Variants in AHNAK2 observed in about 807,000 individuals in gnomAD.
The protein encoded by AHNAK2 is AHNAK nucleoprotein 2, also known as protein AHNAK2.
A neutral mutation model predicts 30.7 loss-of-function variants in AHNAK2; 18 were observed. The observed-to-expected ratio is 0.59, with a 90% CI of 0.41 to 0.87. The LOEUF (loss-of-function observed/expected upper bound fraction) is 0.87, where lower values mean the gene tolerates loss of function less well. Ranked by LOEUF, AHNAK2 falls within the 40% of genes least tolerant of loss-of-function variation. The probability of loss-of-function intolerance (pLI) is 0.00; values close to 1 mark genes in which losing one functional copy is unlikely to be tolerated. For synonymous variants in AHNAK2, 3,590 were observed against 3,073.8 expected (o/e 1.17, Z -5.56); for missense variants, 8,604 against 7,373.0 (o/e 1.17, Z -6.11).
Position 104,939,078 on chromosome 14 carries a change from G to C in AHNAK2, c.16373C>G (p.Pro5458Arg), listed in dbSNP as rs867944780. Residue 5458 changes from proline to arginine, a missense_variant, in exon 7 of 7, where the codon CCC (proline) becomes CGC (arginine). Physicochemically the swap from Pro to Arg is moderately radical, Grantham distance 103 (BLOSUM62 -2). Coordinates refer to ENST00000333244, the MANE Select transcript of AHNAK2 (RefSeq NM_138420.4). ...PVDLNLPLEA[P>R]PISKVRVHIQ... ...ATGCACTCTGACCTTTGAAATTGGG[G>C]GAGCTTCCAAAGGCAGGTTAAGGTC... is the stretch of plus-strand genomic sequence containing the variant. The C allele has an allele frequency of 9.4e-6, 15 of 1,603,904 alleles. No homozygotes were observed. Among genetic ancestry groups the C allele is most frequent in the Non-Finnish European group, 1.2e-5 (14 of 1,175,244 alleles).
intron 1 of AHNAK2, among the ~76,000 whole-genome samples, chr14:104,975,716 A>G (rs1400129751): frequency 6.6e-6 from 1 of 151,810 alleles, no homozygotes; most frequent in Non-Finnish European, 1.5e-5. Flanking sequence ...GCCCTCCCCC[A>G]GTGTAGATGA....
Position 104,950,414 on chromosome 14 carries a change from G to A in AHNAK2, c.5037C>T (p.Ala1679=). Residue 1679 remains alanine (A), a synonymous_variant, in exon 7 of 7, where the codon GCC becomes GCT. Transcript: ENST00000333244. ...CCTTCGGCTCAGACACATCCACCGAGGCCTCGATGGACTTGCCTGGGGCCG... is the reference window on the plus strand; with the variant it reads ...CCTTCGGCTCAGACACATCCACCGAAGCCTCGATGGACTTGCCTGGGGCCG... ...GVSAPGKSIE[A]SVDVSEPKVE... The A allele has an allele frequency of 6.3e-7, 1 of 1,586,954 alleles. No homozygotes were observed. Among genetic ancestry groups the A allele is most frequent in the Non-Finnish European group, 8.6e-7 (1 of 1,162,976 alleles).
rs200377681 is a variant in AHNAK2 at position 104,950,419 on chromosome 14, C to G, written c.5032G>C (p.Glu1678Gln). ...GGCTCAGACACATCCACCGAGGCCT[C>G]GATGGACTTGCCTGGGGCCGACACC... ...FGVSAPGKSI[E>Q]ASVDVSEPKV... Residue 1678 changes from glutamate to glutamine, a missense_variant, in exon 7 of 7, where the codon GAG becomes CAG. Transcript: ENST00000333244. 2.3e-4 allele frequency: 362 copies of G among 1,586,960 alleles called. 41 individuals are homozygous for G. The highest frequency in any genetic ancestry group is 8.3e-4 in the Admixed American group (48 of 57,506).
intron 1 of AHNAK2, among the ~76,000 whole-genome samples, chr14:104,974,702 C>T (rs1428624967): frequency 6.6e-6 from 1 of 152,190 alleles, no homozygotes; most frequent in African/African-American, 2.4e-5. Flanking sequence ...GCTTTGAGAC[C>T]CAGAAGGATG....
Position 104,938,308 on chromosome 14 carries a change from T to G in AHNAK2, c.17143A>C (p.Thr5715Pro). 1 of 1,613,980 alleles carries G rather than the reference T, an allele frequency of 6.2e-7. No individual in the cohort carries two copies. The highest frequency in any genetic ancestry group is 8.5e-7 in the Non-Finnish European group (1 of 1,179,898). Residue 5715 changes from threonine to proline, a missense_variant, in exon 7 of 7, where the codon ACC becomes CCC. By Grantham distance (38) the Thr-to-Pro change is conservative. Transcript: ENST00000333244. Reference protein sequence around the residue: ...SSSPTKKSKSTEDGAELEEQK... With the variant: ...SSSPTKKSKSPEDGAELEEQK... The stretch of plus-strand genomic sequence containing the variant: ...TCTTCCAGCTCTGCCCCATCTTCGG[T>G]GCTTTTGCTTTTCTTGGTAGGAGAT...
rs1218247829 is a variant in AHNAK2 at position 104,941,773 on chromosome 14, C to G, written c.13678G>C (p.Asp4560His). The G allele has an allele frequency of 6.2e-7, 1 of 1,613,562 alleles. No homozygotes were observed. Residue 4560 changes from aspartate to histidine, a missense_variant, in exon 7 of 7, where the codon GAC (aspartate) becomes CAC (histidine). Asp to His is a moderately conservative substitution (Grantham distance 81). Transcript: ENST00000333244. ...ACGTCCACCTGGGGGCCCTTGAGGT[C>G]CACTTTGGGCATCTTGAAACTGGGC... ...EMPSFKMPKVDLKGPQVDVKG... is the reference protein window; with the variant it reads ...EMPSFKMPKVHLKGPQVDVKG...
At position 104,949,868 on chromosome 14, in the gene AHNAK2, G is replaced by A. The variant is rs1387529285; in HGVS notation, c.5583C>T (p.Ser1861=). 6.3e-7 allele frequency: 1 copy of A among 1,588,330 alleles called. No homozygotes were observed. The highest frequency in any genetic ancestry group is 8.6e-7 in the Non-Finnish European group (1 of 1,163,334). ...PKVEAEVSLP[S]MQGDLKTTDL... is the part of the protein sequence containing the mutation. ...CCGTGGTCTTGAGGTCCCCCTGCAT[G>A]GAGGGGAGGCTCACTTCGGCCTCCA... is the stretch of plus-strand genomic sequence containing the variant. The change falls in exon 7 of 7, where the codon TCC becomes TCT. Residue 1861 remains serine, a synonymous_variant. Coordinates refer to ENST00000333244, the MANE Select transcript of AHNAK2 (RefSeq NM_138420.4).
chr14:104,938,519 C>G lies in AHNAK2; in HGVS notation c.16932G>C (p.Leu5644=), dbSNP rs763187961. ...CAATGTTTGGAAGCCAAAACCAGAG[C>G]AGACCAGATTTTTTACTTTCTGGTT... The part of the protein sequence containing the change: ...KDKPESKKSG[L]LWFWLPNIGF... Residue 5644 remains leucine, a synonymous_variant, in exon 7 of 7, where the codon CTG becomes CTC. Coordinates refer to ENST00000333244, the MANE Select transcript of AHNAK2 (RefSeq NM_138420.4). The G allele has an allele frequency of 3.1e-5, 50 of 1,613,590 alleles. No individual in the cohort carries two copies. Among genetic ancestry groups the G allele is most frequent in the Non-Finnish European group, 3.9e-5 (46 of 1,179,770 alleles).
rs1030758247 is a variant in AHNAK2 at position 104,954,852 on chromosome 14, C to T, written c.652-53G>A. ...GGTGCCAGTCCAAGAAGCCTGGGGC[C>T]CTGGCCCAGGGACAGATGGAGTGGG... On this transcript the variant is annotated intron_variant, in intron 6 of 6. Coordinates refer to ENST00000333244, the MANE Select transcript of AHNAK2 (RefSeq NM_138420.4). The surrounding 1 kb of genome is among the most constrained non-coding windows in gnomAD (Gnocchi z 4.3). 5 of 1,537,248 alleles carry T rather than the reference C, an allele frequency of 3.3e-6. No homozygotes were observed. The highest frequency in any genetic ancestry group is 4.4e-6 in the Non-Finnish European group (5 of 1,145,364).
chr14:104,946,261 A>G lies in AHNAK2; in HGVS notation c.9190T>C (p.Leu3064=), dbSNP rs759555268. 1.3e-5 allele frequency: 21 copies of G among 1,601,122 alleles called. No individual in the cohort carries two copies. The highest frequency in any genetic ancestry group is 1.4e-5 in the Non-Finnish European group (17 of 1,173,136). The change falls in exon 7 of 7, where the codon TTG becomes CTG. Residue 3064 remains leucine, a synonymous_variant. Coordinates refer to ENST00000333244, the MANE Select transcript of AHNAK2 (RefSeq NM_138420.4). ...GAGLKGHLPK[L]QMPSFKMPKV... ...GGCATCTTGAAACTGGGCATCTGCA[A>G]CTTGGGCAGGTGCCCTTTGAGGCCA... is the stretch of plus-strand genomic sequence containing the variant.
At chr14:104,973,755 C>T (rs924398586) in intron 1 of AHNAK2, among the ~76,000 whole-genome samples, 6 of 152,230 alleles carry the variant, frequency 3.9e-5, no homozygotes, top group Non-Finnish European at 8.8e-5. Flanking sequence ...ACCACCGCCA[C>T]CCCTGCAGGA....
chr14:104,961,499 C>T (rs1288582541), intron 1 of AHNAK2, among the ~76,000 whole-genome samples: 2 of 144,712 alleles, frequency 1.4e-5, no homozygotes, highest in South Asian at 2.2e-4. Context: ...TGGGTGACAG[C>T]GAGACCCCAT....
intron 1 of AHNAK2, among the ~76,000 whole-genome samples, chr14:104,963,602 G>A (rs1054094757): frequency 1.3e-4 from 20 of 152,142 alleles, no homozygotes; most frequent in South Asian, 4.1e-4. Flanking sequence ...AGGCCGAGGC[G>A]GGCGGATCAC....
In AHNAK2 at chr14:104,966,116, C is replaced by G. The variant is rs1899294609; in HGVS notation, c.56-8444G>C. 6.6e-6 allele frequency among the ~76,000 whole-genome samples: 1 copy of G among 152,176 alleles called. No homozygotes were observed. The highest frequency in any genetic ancestry group is 2.1e-4 in the South Asian group (1 of 4,834). On this transcript the variant is annotated intron_variant, in intron 1 of 6. Coordinates refer to ENST00000333244, the MANE Select transcript of AHNAK2 (RefSeq NM_138420.4). This position sits in a 1 kb window ranked among gnomAD's most constrained non-coding sequence, Gnocchi z 4.3. ...GCCTGGCAGGGCTGGAGGATGGTGT[C>G]TCCTGGAGGAGGTTCTCTCAAGCGA... is the stretch of plus-strand genomic sequence containing the variant.
rs1898130923 is a variant in AHNAK2, at chr14:104,944,109, T to A, written c.11342A>T (p.Asp3781Val). Residue 3781 changes from aspartate to valine, a missense_variant, in exon 7 of 7, where the codon GAT (aspartate) becomes GTT (valine). Asp to Val is a radical substitution (Grantham distance 152). Coordinates refer to ENST00000333244, the MANE Select transcript of AHNAK2 (RefSeq NM_138420.4). ...VDVQAPRAKL[D>V]SAQLEGDLSL... ...CAGGTCCCCCTCCAGCTGTGCACTA[T>A]CCAGTTTGGCTCTTGGGGCCTGGAC... The A allele has an allele frequency of 6.2e-7, 1 of 1,613,036 alleles. No individual in the cohort carries two copies. Among genetic ancestry groups the A allele is most frequent in the Non-Finnish European group, 8.5e-7 (1 of 1,179,618 alleles).
chr14:104,978,304 A>C lies in AHNAK2; in HGVS notation c.-67T>G. 2.7e-4 allele frequency: 62 copies of C among 233,582 alleles called. No individual in the cohort carries two copies. The highest frequency in any genetic ancestry group is 4.1e-4 in the Non-Finnish European group (57 of 140,224). The allele number at this position is 233,582 out of a possible 1,614,324, so 14.5% of individuals were successfully genotyped here. A position where few individuals can be genotyped will look rare whatever the true frequency, so the allele number is the denominator to read the frequency against. On this transcript the variant is annotated 5_prime_UTR_variant, in exon 1 of 7. Transcript: ENST00000333244. The stretch of plus-strand genomic sequence containing the variant: ...CAGTCGCTGGTCCCGGCTCCGGCGC[A>C]CGGGGCGGGCGGGCGGGAGCCGCGC...
At position 104,946,421 on chromosome 14, in the gene AHNAK2, G is replaced by C. The variant is rs568327538; in HGVS notation, c.9030C>G (p.Ala3010=). Residue 3010 remains alanine (A), a synonymous_variant, in exon 7 of 7, where the codon GCC becomes GCG. Coordinates refer to ENST00000333244, the MANE Select transcript of AHNAK2 (RefSeq NM_138420.4). ...CCTGCATGGAGGGGAGGCTCACTTC[G>C]GCCTCCACCTTCGGCGCAGACACAT... The part of the protein sequence containing the change: ...SVDVSAPKVE[A]EVSLPSMQGD... 1.2e-6 allele frequency: 2 copies of C among 1,611,462 alleles called. No homozygotes were observed. Among genetic ancestry groups the C allele is most frequent in the Admixed American group, 3.3e-5 (2 of 59,768 alleles).
In AHNAK2 at chr14:104,949,130, C is replaced by T. The variant is rs769541148; in HGVS notation, c.6321G>A (p.Met2107Ile). The T allele has an allele frequency of 9.3e-7, 1 of 1,071,002 alleles. No individual in the cohort carries two copies. Among genetic ancestry groups the T allele is most frequent in the African/African-American group, 1.4e-5 (1 of 71,162 alleles). The allele number at this position is 1,071,002 out of a possible 1,614,324, so 66.3% of individuals were successfully genotyped here. The change falls in exon 7 of 7, where the codon ATG (methionine) becomes ATA (isoleucine). Residue 2107 changes from methionine to isoleucine, a missense_variant. Coordinates refer to ENST00000333244, the MANE Select transcript of AHNAK2 (RefSeq NM_138420.4). ...GAGACACCTCGACATCGGGGACTCT[C>T]ATTTCCACCTTGGGGTCTTTTAGGT... ...KLDLKDPKVE[M>I]RVPDVEVSLP...
rs753748339 is a variant in AHNAK2 at position 104,945,676 on chromosome 14, T to C, written c.9775A>G (p.Lys3259Glu). The C allele has an allele frequency of 3.8e-6, 6 of 1,595,404 alleles. No individual in the cohort carries two copies. Among genetic ancestry groups the C allele is most frequent in the Non-Finnish European group, 5.1e-6 (6 of 1,168,692 alleles). ...KGPKLDLKGP[K>E]MDVTAPDVEV... is the part of the protein sequence containing the mutation. ...ACGTCGGGGGCCGTCACATCCATCT[T>C]CGGGCCTTTCAGGTCCAGCTTGGGG... The change falls in exon 7 of 7, where the codon AAG (lysine) becomes GAG (glutamate). Residue 3259 changes from lysine to glutamate, a missense_variant. Transcript: ENST00000333244.
Sources: gnomAD v4.1 joint callset for allele counts (sites outside exome capture counted in the v4.1 genomes callset) on GRCh38, gnomAD v4.1.1 for gene constraint, Gnocchi (gnomAD v3.1) non-coding constraint, MANE v1.5 for transcripts, NCBI Gene and HGNC (gene_info 2026-07-23, HGNC 2026-07-21) for gene names.